Variants in TRPM7 observed in about 807,000 individuals in gnomAD.
TRPM7 encodes LTRPC ion channel family member 7.
In TRPM7, 134 loss-of-function variants were observed where a neutral mutation model predicts 229.7. The ratio of observed to expected loss-of-function variants is 0.58; its 90% CI spans 0.51 to 0.67. The LOEUF (loss-of-function observed/expected upper bound fraction) is 0.67, where lower values mean the gene tolerates loss of function less well. TRPM7 is among the 30% of genes least tolerant of loss of function. TRPM7 has a pLI of 0.00. For synonymous variants in TRPM7, 699 were observed against 715.2 expected (o/e 0.98, Z 0.36); for missense variants, 1,901 against 2,210.0 (o/e 0.86, Z 2.80).
Position 50,657,500 on chromosome 15 carries a change from G to A in TRPM7, c.122+281C>T, listed in dbSNP as rs41493246. Among the ~76,000 whole-genome samples, 726 of 152,192 alleles carry A rather than the reference G, an allele frequency of 4.8e-3. 5 individuals are homozygous for A. The highest frequency in any genetic ancestry group is 0.017 in the African/African-American group (701 of 41,546). The stretch of plus-strand genomic sequence containing the variant: ...TTCTGCAGTTTCCTGACAGAACCAT[G>A]ATGTCTTTCACTATCAGGCCTTCCC... On this transcript the variant is annotated intron_variant, in intron 3 of 38. Transcript: ENST00000646667.
chr15:50,570,957 AAC>A (rs2053857693), intron 36 of TRPM7, among the ~76,000 whole-genome samples: 1 of 152,182 alleles, frequency 6.6e-6, no homozygotes, highest in African/African-American at 2.4e-5. Flanking sequence ...ACATTCATGT[AAC>A]ACAGAGTAAG....
intron 13 of TRPM7, among the ~76,000 whole-genome samples, chr15:50,618,569 C>CAGTA (rs762112630): frequency 9.9e-5 from 14 of 141,978 alleles, no homozygotes; most frequent in Non-Finnish European, 1.8e-4. Flanking sequence ...GATTCCGTCT[C>CAGTA]AATAAATAAA....
chr15:50,571,834 T>C (rs2053905639), intron 36 of TRPM7, among the ~76,000 whole-genome samples: 1 of 152,232 alleles, frequency 6.6e-6, no homozygotes, highest in Non-Finnish European at 1.5e-5. Context: ...CCGTGAACAT[T>C]GTTCAAATCA....
At chr15:50,653,801 T>C (rs1471484727) in intron 3 of TRPM7, among the ~76,000 whole-genome samples, 3 of 152,124 alleles carry the variant, frequency 2.0e-5, no homozygotes, top group Admixed American at 6.5e-5. Flanking sequence ...TCTTTGGCCA[T>C]GGTCTAAGGT....
rs201043701 is a variant in TRPM7 at position 50,640,165 on chromosome 15, AAC to A, written c.536-619_536-618del. On this transcript the variant is annotated intron_variant, in intron 5 of 38. Coordinates refer to ENST00000646667, the MANE Select transcript of TRPM7 (RefSeq NM_017672.6). ...ATCGGTGGCACAGGACCATACGCAA[AAC>A]ACACACACACACAATAAACAATGAC... Among the ~76,000 whole-genome samples the A allele has an allele frequency of 2.8e-3, 421 of 151,940 alleles. 2 individuals carry two copies. The highest frequency in any genetic ancestry group is 9.7e-3 in the African/African-American group (402 of 41,500).
At chr15:50,568,217 CAG>C (rs1241460479) in intron 38 of TRPM7, among the ~76,000 whole-genome samples, 2 of 146,742 alleles carry the variant, frequency 1.4e-5, no homozygotes, top group African/African-American at 5.0e-5. Context: ...GGTGAAAAGA[CAG>C]AATGCCTTCC....
At chr15:50,600,269 T>G (rs2059742409) in intron 21 of TRPM7, among the ~76,000 whole-genome samples, 1 of 152,054 alleles carries the variant, frequency 6.6e-6, no homozygotes, top group African/African-American at 2.4e-5. Flanking sequence ...AAACCCTGTG[T>G]CTACTAAAAA....
chr15:50,664,170 T>C (rs1203092015), intron 1 of TRPM7, among the ~76,000 whole-genome samples: 1 of 151,464 alleles, frequency 6.6e-6, no homozygotes, highest in Non-Finnish European at 1.5e-5. Context: ...TGGTGGCGTG[T>C]GCCTGTAATC....
Position 50,634,488 on chromosome 15 carries a change from G to C in TRPM7, c.901C>G (p.Leu301Val). ...EGGPNVILTV[L>V]EYLQESPPVP... Reference sequence around the variant, plus strand: ...GGGGGGCTTTCCTGAAGGTATTCAAGAACTGTGAGGATAACATTTGGCCCA... The same window carrying C: ...GGGGGGCTTTCCTGAAGGTATTCAACAACTGTGAGGATAACATTTGGCCCA... The change falls in exon 8 of 39, where the codon CTT (leucine) becomes GTT (valine). Residue 301 changes from leucine (L) to valine (V), a missense_variant. By Grantham distance (32) the Leu-to-Val change is conservative. Transcript: ENST00000646667. The C allele has an allele frequency of 1.3e-6, 2 of 1,580,708 alleles. No homozygotes were observed. The highest frequency in any genetic ancestry group is 1.7e-6 in the Non-Finnish European group (2 of 1,166,214).
chr15:50,561,724 G>C lies in TRPM7; in HGVS notation c.5552C>G (p.Ser1851Cys), dbSNP rs2053318643. Residue 1851 changes from serine (S) to cysteine (C), a missense_variant, in exon 39 of 39, where the codon TCC becomes TGC. By Grantham distance (112) the Ser-to-Cys change is moderately radical. Transcript: ENST00000646667. Reference protein sequence around the residue: ...PSDLNLQPGNSTKESESTNSV... With the variant: ...PSDLNLQPGNCTKESESTNSV... ...ATTAGTTGATTCTGATTCTTTGGTG[G>C]AATTTCCAGGCTGAAGATTCAAATC... 1.2e-6 allele frequency: 2 copies of C among 1,612,380 alleles called. No homozygotes were observed. Among genetic ancestry groups the C allele is most frequent in the Non-Finnish European group, 1.7e-6 (2 of 1,179,396 alleles).
chr15:50,655,857 G>C (rs575224203), intron 3 of TRPM7, among the ~76,000 whole-genome samples: 2 of 152,106 alleles, frequency 1.3e-5, no homozygotes, highest in Non-Finnish European at 2.9e-5. Context: ...AGGCATGGTG[G>C]TGTGTGCCTG....
Position 50,607,297 on chromosome 15 carries a change from G to A in TRPM7, c.2612C>T (p.Thr871Ile), listed in dbSNP as rs1209436034. Residue 871 changes from threonine (T) to isoleucine (I), a missense_variant, in exon 20 of 39, where the codon ACA becomes ATA. Coordinates refer to ENST00000646667, the MANE Select transcript of TRPM7 (RefSeq NM_017672.6). ...LAYLGFLMLYTFVVLVQMEQL... is the reference protein window; with the variant it reads ...LAYLGFLMLYIFVVLVQMEQL... ...TTCCATTTGTACAAGAACCACAAAT[G>A]TATAAAGCATCAGAAATCCTAAATA... The A allele has an allele frequency of 2.5e-6, 4 of 1,596,668 alleles. No individual in the cohort carries two copies. Among genetic ancestry groups the A allele is most frequent in the East Asian group, 4.5e-5 (2 of 44,430 alleles).
At chr15:50,634,169 A>T (rs2060817803) in intron 8 of TRPM7, among the ~76,000 whole-genome samples, 1 of 151,982 alleles carries the variant, frequency 6.6e-6, no homozygotes, top group African/African-American at 2.4e-5. Context: ...AAAGATACAA[A>T]AATTAGCCAG....
intron 1 of TRPM7, among the ~76,000 whole-genome samples, chr15:50,673,062 G>A (rs540474526): frequency 6.2e-5 from 9 of 144,892 alleles, no homozygotes; most frequent in South Asian, 2.1e-4. Context: ...GTAAGCTAGC[G>A]TTAATTTATT....
At chr15:50,569,755 G>T in intron 38 of TRPM7, 132 bp downstream of exon 38, 1 of 493,660 alleles carries the variant, frequency 2.0e-6, no homozygotes, top group Non-Finnish European at 3.6e-6. Flanking sequence ...ATATGTATTT[G>T]CAAAAGAGCT....
chr15:50,609,636 G>C lies in TRPM7; in HGVS notation c.2525C>G (p.Thr842Arg), dbSNP rs777140899. ...IQMKSKKLPI[T>R]RKFYAFYHAP... Reference sequence around the variant, plus strand: ...ATGATAAAAGGCATAAAACTTTCGCGTAATTGGAAGCTTTTTTGATTTCAT... The same window carrying C: ...ATGATAAAAGGCATAAAACTTTCGCCTAATTGGAAGCTTTTTTGATTTCAT... The change falls in exon 19 of 39, where the codon ACG (threonine) becomes AGG (arginine). Residue 842 changes from threonine to arginine, a missense_variant. This residue lies in a region of TRPM7 where 207 missense variants were observed against 241.5 expected (regional missense o/e 0.86). Transcript: ENST00000646667. The C allele has an allele frequency of 1.2e-6, 2 of 1,611,878 alleles. No homozygotes were observed. Among genetic ancestry groups the C allele is most frequent in the Non-Finnish European group, 1.7e-6 (2 of 1,179,176 alleles).
chr15:50,675,456 C>T (rs963019943), intron 1 of TRPM7, among the ~76,000 whole-genome samples: 8 of 152,122 alleles, frequency 5.3e-5, no homozygotes, highest in Non-Finnish European at 1.0e-4. Context: ...AATGTACATA[C>T]ATTCTTCCCA....
Position 50,592,585 on chromosome 15 carries a change from C to A in TRPM7, c.3650G>T (p.Arg1217Leu), listed in dbSNP as rs1279179983. Residue 1217 changes from arginine (R) to leucine (L), a missense_variant, in exon 26 of 39, where the codon CGT becomes CTT. This residue lies in a region of TRPM7 where 533 missense variants were observed against 497.1 expected (regional missense o/e 1.07). Transcript: ENST00000646667. ...TAATGATCTTTTTATGTAGTTGACACGATCTCCAACTTCTTTAATCTGAAT... is the reference window on the plus strand; with the variant it reads ...TAATGATCTTTTTATGTAGTTGACAAGATCTCCAACTTCTTTAATCTGAAT... ...MCIQIKEVGD[R>L]VNYIKRSLQS... is the part of the protein sequence containing the mutation. 4 of 1,604,592 alleles carry A rather than the reference C, an allele frequency of 2.5e-6. No homozygotes were observed. Among genetic ancestry groups the A allele is most frequent in the Non-Finnish European group, 3.4e-6 (4 of 1,178,606 alleles).
chr15:50,588,112 C>T (rs1006590918), intron 27 of TRPM7: 4 of 487,936 alleles, frequency 8.2e-6, no homozygotes, highest in African/African-American at 6.3e-5. Context: ...TGAACCTACA[C>T]CTATTTCCTC....
Sources: gnomAD v4.1 joint callset for allele counts (sites outside exome capture counted in the v4.1 genomes callset) on GRCh38, gnomAD v4.1.1 for gene constraint, gnomAD v4.1.1 regional missense constraint, MANE v1.5 for transcripts, NCBI Gene and HGNC (gene_info 2026-07-23, HGNC 2026-07-21) for gene names.